TMEM144: variants seen among roughly 807,000 people sequenced by gnomAD.
The protein encoded by TMEM144 is transmembrane protein 144.
In TMEM144, 39 loss-of-function variants were observed where a neutral mutation model predicts 43.6. That is an observed-to-expected ratio of 0.90 (90% CI 0.69 to 1.17). The LOEUF (loss-of-function observed/expected upper bound fraction) is 1.17. Ranked by LOEUF, TMEM144 falls within the 50% of genes most tolerant of loss-of-function variation. The probability of loss-of-function intolerance (pLI) is 0.00; values close to 1 mark genes in which losing one functional copy is unlikely to be tolerated. For missense variants in TMEM144, 417 were observed against 411.9 expected, an observed-to-expected ratio of 1.01 and a Z score of -0.11; for synonymous variants, 154 against 133.6, an observed-to-expected ratio of 1.15 and a Z score of -1.06.
At chr4:158,229,608 T>C (rs892544433) in intron 6 of TMEM144, among the ~76,000 whole-genome samples, 6 of 152,256 alleles carry the variant, frequency 3.9e-5, no homozygotes, top group Non-Finnish European at 5.9e-5. Context: ...AAAGGCTAAC[T>C]CTGCTGGTCT....
intron 5 of TMEM144, 125 bp downstream of exon 5, chr4:158,217,545 C>T (rs866990569): frequency 2.7e-5 from 18 of 657,200 alleles, no homozygotes; most frequent in African/African-American, 2.7e-4. Context: ...GTAAAACATA[C>T]ACATCATATA....
intron 5 of TMEM144, among the ~76,000 whole-genome samples, chr4:158,218,026 T>G (rs541730152): frequency 5.9e-5 from 9 of 152,320 alleles, no homozygotes; most frequent in African/African-American, 2.2e-4. Context: ...AGGGAATAAC[T>G]GACCCACAAA....
intron 7 of TMEM144, 173 bp from the exon 8 acceptor site, chr4:158,235,265 G>T: frequency 1.7e-6 from 1 of 589,976 alleles, no homozygotes; most frequent in Non-Finnish European, 2.7e-6. Context: ...CTAAATGAAA[G>T]AGGAAACAAT....
rs569958154 is a variant in TMEM144, at chr4:158,232,424, G to C, written c.414-477G>C. The stretch of plus-strand genomic sequence containing the variant: ...GTGGGCCTCCGGCAGGATTGGTAAG[G>C]TCAGAAGTGGACACACCGGTGGCCT... On this transcript the variant is annotated intron_variant, in intron 6 of 12. Coordinates refer to ENST00000296529, the MANE Select transcript of TMEM144 (RefSeq NM_018342.5). Among the ~76,000 whole-genome samples, 216 of 152,314 alleles carry C rather than the reference G, an allele frequency of 1.4e-3. 1 individual carries two copies. The highest frequency in any genetic ancestry group is 5.0e-3 in the African/African-American group (207 of 41,558).
At chr4:158,239,847 C>T (rs763021384) in intron 9 of TMEM144, among the ~76,000 whole-genome samples, 1 of 151,124 alleles carries the variant, frequency 6.6e-6, no homozygotes, top group East Asian at 1.9e-4. Context: ...TCTATATGAA[C>T]AGCATGTAGA....
At chr4:158,232,075 G>A (rs1015977134) in intron 6 of TMEM144, among the ~76,000 whole-genome samples, 1 of 152,154 alleles carries the variant, frequency 6.6e-6, no homozygotes, top group Non-Finnish European at 1.5e-5. Flanking sequence ...CAAAAGAGAT[G>A]TTAAAAGTAT....
intron 6 of TMEM144, among the ~76,000 whole-genome samples, chr4:158,219,601 C>CT (rs1734413325): frequency 6.6e-6 from 1 of 152,194 alleles, no homozygotes; most frequent in Admixed American, 6.5e-5. Flanking sequence ...CTCCAAAACT[C>CT]TGAGAGCCTG....
At chr4:158,225,340 G>A (rs1560825867) in intron 6 of TMEM144, among the ~76,000 whole-genome samples, 1 of 152,192 alleles carries the variant, frequency 6.6e-6, no homozygotes, top group Non-Finnish European at 1.5e-5. Context: ...TAGCCCCAGG[G>A]CTGGGGCTGA....
At chr4:158,235,705 T>C in intron 8 of TMEM144, 200 bp downstream of exon 8, 1 of 448,152 alleles carries the variant, frequency 2.2e-6, no homozygotes. Context: ...CTGCTTTGAG[T>C]AATTACTAAA....
intron 5 of TMEM144, among the ~76,000 whole-genome samples, chr4:158,219,079 C>T (rs528747911): frequency 6.6e-6 from 1 of 152,192 alleles, no homozygotes; most frequent in African/African-American, 2.4e-5. Flanking sequence ...TACCACTGTA[C>T]TCCAGCCTGG....
At chr4:158,212,898 G>A in intron 3 of TMEM144, 122 bp downstream of exon 3, 1 of 799,702 alleles carries the variant, frequency 1.3e-6, no homozygotes, top group Non-Finnish European at 2.1e-6. Context: ...AGTGAATAGA[G>A]CTTAAAATTA....
At chr4:158,246,992 T>A (rs1369309377) in intron 12 of TMEM144, among the ~76,000 whole-genome samples, 1 of 151,926 alleles carries the variant, frequency 6.6e-6, no homozygotes, top group African/African-American at 2.4e-5. Flanking sequence ...TGAGGAATGT[T>A]TTGTTTTGTT....
intron 6 of TMEM144, among the ~76,000 whole-genome samples, chr4:158,228,066 A>G (rs1259926775): frequency 6.6e-6 from 1 of 152,134 alleles, no homozygotes; most frequent in African/African-American, 2.4e-5. Flanking sequence ...ATCAAAACCA[A>G]AATCAGAGTA....
At chr4:158,233,106 C>A in intron 7 of TMEM144, 124 bp downstream of exon 7, 1 of 684,252 alleles carries the variant, frequency 1.5e-6, no homozygotes, top group Non-Finnish European at 2.4e-6. Context: ...TGTAAAATAT[C>A]TTAGCTTATT....
At chr4:158,239,751 T>C (rs1327070259) in intron 9 of TMEM144, among the ~76,000 whole-genome samples, 1 of 152,204 alleles carries the variant, frequency 6.6e-6, no homozygotes, top group Non-Finnish European at 1.5e-5. Context: ...CTTTACCAGA[T>C]GATCATAAAA....
At chr4:158,228,456 G>T (rs1331059744) in intron 6 of TMEM144, among the ~76,000 whole-genome samples, 3 of 152,212 alleles carry the variant, frequency 2.0e-5, no homozygotes, top group African/African-American at 7.2e-5. Context: ...CAAATGGATG[G>T]AGTAGGCAAG....
At chr4:158,247,692 G>A (rs1033416301) in intron 12 of TMEM144, among the ~76,000 whole-genome samples, 1 of 151,942 alleles carries the variant, frequency 6.6e-6, no homozygotes, top group Non-Finnish European at 1.5e-5. Context: ...TAATGTGCCA[G>A]GTTTTTAAAA....
chr4:158,249,257 A>G, intron 12 of TMEM144, among the ~76,000 whole-genome samples: 1 of 152,134 alleles, frequency 6.6e-6, no homozygotes, highest in East Asian at 1.9e-4. Context: ...TTCATTTTAG[A>G]TTATTAAATC....
At chr4:158,231,273 A>G (rs1735065876) in intron 6 of TMEM144, among the ~76,000 whole-genome samples, 1 of 152,142 alleles carries the variant, frequency 6.6e-6, no homozygotes, top group African/African-American at 2.4e-5. Flanking sequence ...CTTTGAGAAG[A>G]GGAATTCTAA....
Sources: allele counts gnomAD v4.1 joint callset (sites outside exome capture counted in the v4.1 genomes callset), GRCh38; gene constraint gnomAD v4.1.1; transcripts MANE v1.5; gene names NCBI Gene and HGNC (gene_info 2026-07-23, HGNC 2026-07-21).